The following KRT79 variants were observed in gnomAD, a reference collection of about 807,000 sequenced individuals.
KRT79 encodes the protein keratin 79, also known as keratin, type II cytoskeletal 79.
Under a neutral mutation model 49.0 loss-of-function variants are expected in KRT79, and 51 were observed. The ratio of observed to expected loss-of-function variants is 1.04; its 90% CI spans 0.83 to 1.31. KRT79 has a LOEUF of 1.31. KRT79 is among the 40% of genes most tolerant of loss of function. KRT79 has a pLI of 0.00. For synonymous variants in KRT79, 312 were observed against 286.6 expected (o/e 1.09, Z -0.90); for missense variants, 728 against 688.0 (o/e 1.06, Z -0.65).
intron 4 of KRT79, among the ~76,000 whole-genome samples, chr12:52,825,546 A>G (rs1026394187): frequency 1.3e-5 from 2 of 152,208 alleles, no homozygotes. Flanking sequence ...GGAGTCTGAC[A>G]TCAGAAGCTG....
At position 52,822,392 on chromosome 12, in the gene KRT79, G is replaced by A; in HGVS notation, c.1368-13C>T. ...TTCTCCAGACATCCTAGGGGACACA[G>A]AAAGGCCAGGAGAGCAGTCAGTTAT... On this transcript the variant is annotated splice_polypyrimidine_tract_variant and intron_variant, in intron 7 of 8. Coordinates refer to ENST00000330553, the MANE Select transcript of KRT79 (RefSeq NM_175834.3). 1 of 1,566,514 alleles carries A rather than the reference G, an allele frequency of 6.4e-7. No homozygotes were observed. The highest frequency in any genetic ancestry group is 8.7e-7 in the Non-Finnish European group (1 of 1,154,770).
Position 52,821,619 on chromosome 12 carries a change from G to GCAGTA in KRT79, c.*252_*253insTACTG. 1 of 288,082 alleles carries GCAGTA rather than the reference G, an allele frequency of 3.5e-6. No individual in the cohort carries two copies. Among genetic ancestry groups the GCAGTA allele is most frequent in the Non-Finnish European group, 6.0e-6 (1 of 167,134 alleles). 17.8% of individuals were successfully genotyped at this position (288,082 alleles called of 1,614,324 possible). A position where few individuals can be genotyped will look rare whatever the true frequency, so the allele number is the denominator to read the frequency against. On this transcript the variant is annotated 3_prime_UTR_variant, in exon 9 of 9. Transcript: ENST00000330553. ...TCAGCCTCCTCTCGGTGGTCAAAAG[G>GCAGTA]TCACCCCCAAGTCACCCAAGCACAT...
Position 52,823,374 on chromosome 12 carries a change from C to T in KRT79, c.1147-138G>A. ...GGAAAGAGAGAAGAGAAATATTCAT[C>T]TGAAGAGATGCTATTACACAAGCAG... On this transcript the variant is annotated intron_variant, in intron 6 of 8. Transcript: ENST00000330553. 1.2e-5 allele frequency: 9 copies of T among 735,820 alleles called. No individual in the cohort carries two copies. The South Asian group carries it at 1.4e-4, about 11-fold the overall frequency. 45.6% of individuals were successfully genotyped at this position (735,820 alleles called of 1,614,324 possible).
intron 6 of KRT79, among the ~76,000 whole-genome samples, 165 bp from the exon 7 acceptor site, chr12:52,823,401 A>ACTT (rs1940128606): frequency 6.6e-6 from 1 of 152,244 alleles, no homozygotes; most frequent in Admixed American, 6.5e-5. Flanking sequence ...CACAAGCAGG[A>ACTT]TCAAGTAAGG....
chr12:52,823,838 G>C lies in KRT79; in HGVS notation c.1146+49C>G, dbSNP rs772075272. The C allele has an allele frequency of 6.3e-6, 10 of 1,579,980 alleles. No individual in the cohort carries two copies. The South Asian group carries it at 1.1e-4, about 18-fold the overall frequency. On this transcript the variant is annotated intron_variant, in intron 6 of 8. Coordinates refer to ENST00000330553, the MANE Select transcript of KRT79 (RefSeq NM_175834.3). ...AGCCCCTCGGGGTGACAATGAGAAGGCCCTGCCAACACCTAGGCCAGACCC... is the reference window on the plus strand; with the variant it reads ...AGCCCCTCGGGGTGACAATGAGAAGCCCCTGCCAACACCTAGGCCAGACCC...
intron 5 of KRT79, 90 bp from the exon 6 acceptor site, chr12:52,824,102 C>T: frequency 6.2e-7 from 1 of 1,612,068 alleles, no homozygotes. Context: ...TATATCTGGC[C>T]CCCCGGACTC....
At chr12:52,824,152 C>G in intron 5 of KRT79, 46 bp downstream of exon 5, 1 of 1,613,634 alleles carries the variant, frequency 6.2e-7, no homozygotes, top group South Asian at 1.1e-5. Context: ...GATGGGAGAT[C>G]TGATCCGACC....
At chr12:52,829,787 G>C (rs1338915473) in intron 4 of KRT79, among the ~76,000 whole-genome samples, 1 of 152,154 alleles carries the variant, frequency 6.6e-6, no homozygotes, top group Non-Finnish European at 1.5e-5. Context: ...TGTAGTCCCA[G>C]CTACTCCAGT....
At chr12:52,825,368 A>G (rs916887319) in intron 4 of KRT79, among the ~76,000 whole-genome samples, 2 of 152,214 alleles carry the variant, frequency 1.3e-5, no homozygotes, top group Non-Finnish European at 2.9e-5. Context: ...ATTATAATAG[A>G]ATAATAATAA....
In KRT79 at chr12:52,821,938, T is replaced by G; in HGVS notation, c.1542A>C (p.Pro514=). ...NVGYSTVKGG[P]VSAGTSILRK... ...GCAGGATGGAGGTGCCCGCAGAGAC[T>G]GGCCCTCCCTTGACGGTGCTATAGC... The change falls in exon 9 of 9, where the codon CCA becomes CCC. Residue 514 remains proline (P), a synonymous_variant. Transcript: ENST00000330553. 1.2e-6 allele frequency: 2 copies of G among 1,614,162 alleles called. No individual in the cohort carries two copies. The highest frequency in any genetic ancestry group is 8.5e-7 in the Non-Finnish European group (1 of 1,180,022).
chr12:52,821,903 G>A lies in KRT79; in HGVS notation c.1577C>T (p.Thr526Ile). The change falls in exon 9 of 9, where the codon ACT (threonine) becomes ATT (isoleucine). Residue 526 changes from threonine to isoleucine, a missense_variant. Thr to Ile is a moderately conservative substitution (Grantham distance 89). Transcript: ENST00000330553. The stretch of plus-strand genomic sequence containing the variant: ...CCTCTGGCTGGACGTCTTGACCGTA[G>A]TGGTCTTCCGCAGGATGGAGGTGCC... ...SAGTSILRKTTTVKTSSQRY is the reference protein window; with the variant it reads ...SAGTSILRKTITVKTSSQRY 6.2e-7 allele frequency: 1 copy of A among 1,614,116 alleles called. No individual in the cohort carries two copies. Among genetic ancestry groups the A allele is most frequent in the South Asian group, 1.1e-5 (1 of 91,066 alleles).
intron 6 of KRT79, among the ~76,000 whole-genome samples, 182 bp downstream of exon 6, chr12:52,823,705 G>A (rs577857641): frequency 3.3e-5 from 5 of 152,138 alleles, no homozygotes; most frequent in Admixed American, 6.5e-5. Flanking sequence ...ACCATGTGAC[G>A]TTGGACAAGC....
chr12:52,834,267 A>G lies in KRT79; in HGVS notation c.-7T>C. ...GAGAGACGGAGGACCTCATAGCTGC[A>G]GAGGGGCCGGAGGGCAGGATGAGAG... On this transcript the variant is annotated 5_prime_UTR_variant, in exon 1 of 9. Coordinates refer to ENST00000330553, the MANE Select transcript of KRT79 (RefSeq NM_175834.3). The G allele has an allele frequency of 6.2e-7, 1 of 1,609,136 alleles. No individual in the cohort carries two copies. Among genetic ancestry groups the G allele is most frequent in the Non-Finnish European group, 8.5e-7 (1 of 1,176,930 alleles).
At chr12:52,832,985 T>C (rs903574569) in intron 1 of KRT79, among the ~76,000 whole-genome samples, 6 of 152,308 alleles carry the variant, frequency 3.9e-5, no homozygotes, top group Admixed American at 6.5e-5. Context: ...CAAGGTACAT[T>C]TGTCTGCCAG....
In KRT79 at chr12:52,821,615, A is replaced by ACGTATCATT; in HGVS notation, c.*256_*257insAATGATACG. ...AAATTCAGCCTCCTCTCGGTGGTCAAAAGGTCACCCCCAAGTCACCCAAGC... is the reference window on the plus strand; with the variant it reads ...AAATTCAGCCTCCTCTCGGTGGTCAACGTATCATTAAGGTCACCCCCAAGTCACCCAAGC... On this transcript the variant is annotated 3_prime_UTR_variant, in exon 9 of 9. Coordinates refer to ENST00000330553, the MANE Select transcript of KRT79 (RefSeq NM_175834.3). 1.2e-5 allele frequency: 5 copies of ACGTATCATT among 406,988 alleles called. No homozygotes were observed. Among genetic ancestry groups the ACGTATCATT allele is most frequent in the Admixed American group, 4.4e-5 (1 of 22,532 alleles). The allele number at this position is 406,988 out of a possible 1,614,324, so 25.2% of individuals were successfully genotyped here.
chr12:52,822,274 G>A (rs1468170645), intron 8 of KRT79, 71 bp downstream of exon 8: 8 of 1,498,426 alleles, frequency 5.3e-6, no homozygotes, highest in Non-Finnish European at 7.4e-6. Context: ...GACAGGTACA[G>A]GTTGCATAAA....
chr12:52,833,688 T>C, intron 1 of KRT79, 96 bp downstream of exon 1: 1 of 974,142 alleles, frequency 1.0e-6, no homozygotes, highest in South Asian at 1.4e-5. Flanking sequence ...ACCACCCTAG[T>C]ACAAGTGGGC....
Position 52,833,449 on chromosome 12 carries a change from G to A in KRT79, c.477+335C>T, listed in dbSNP as rs138730813. Among the ~76,000 whole-genome samples the A allele has an allele frequency of 7.9e-5, 12 of 152,298 alleles. No homozygotes were observed. In the East Asian group the frequency reaches 2.1e-3, roughly 27 times the overall value. ...GCCACCCCACTAAGAGGAGCTATGA[G>A]GACAATCCATTTTTTGATGATGAGG... is the stretch of plus-strand genomic sequence containing the variant. On this transcript the variant is annotated intron_variant, in intron 1 of 8. Transcript: ENST00000330553.
chr12:52,831,762 G>C, intron 1 of KRT79, 136 bp from the exon 2 acceptor site: 1 of 672,746 alleles, frequency 1.5e-6, no homozygotes, highest in Middle Eastern at 4.1e-4. Context: ...CTTTGCTGTG[G>C]GGAGGCACTC....
Sources: allele counts gnomAD v4.1 joint callset (sites outside exome capture counted in the v4.1 genomes callset), GRCh38; gene constraint gnomAD v4.1.1; transcripts MANE v1.5; gene names NCBI Gene and HGNC (gene_info 2026-07-23, HGNC 2026-07-21).